The following RMND1 variants were observed in gnomAD, a reference collection of about 807,000 sequenced individuals.
RMND1 encodes the protein required for meiotic nuclear division protein 1 homolog.
Under a neutral mutation model 54.0 loss-of-function variants are expected in RMND1, and 41 were observed. The ratio of observed to expected loss-of-function variants is 0.76; its 90% CI spans 0.59 to 0.98. The LOEUF (loss-of-function observed/expected upper bound fraction) is 0.98, where lower values mean the gene tolerates loss of function less well. Ranked by LOEUF, RMND1 falls within the 50% of genes least tolerant of loss-of-function variation. RMND1 has a pLI of 0.00. For missense variants in RMND1, 457 were observed against 532.0 expected (o/e 0.86, Z 1.39); for synonymous variants, 183 against 181.7 (o/e 1.01, Z -0.06).
Position 151,405,130 on chromosome 6 carries a change from A to G in RMND1, c.*105T>C, listed in dbSNP as rs1779564698. The G allele has an allele frequency of 1.0e-6, 1 of 996,884 alleles. No homozygotes were observed. Among genetic ancestry groups the G allele is most frequent in the Non-Finnish European group, 1.6e-6 (1 of 640,578 alleles). 61.8% of individuals were successfully genotyped at this position (996,884 alleles called of 1,614,324 possible). A position where few individuals can be genotyped will look rare whatever the true frequency, so the allele number is the denominator to read the frequency against. On this transcript the variant is annotated 3_prime_UTR_variant, in exon 12 of 12. Transcript: ENST00000444024. ...CTCAAGCCACCCTTCTTGGCCTCCGAAAGTGCTGGGATTACAGGCATGAGG... is the reference window on the plus strand; with the variant it reads ...CTCAAGCCACCCTTCTTGGCCTCCGGAAGTGCTGGGATTACAGGCATGAGG...
rs202224517 is a variant in RMND1, at chr6:151,423,655, C to A, written c.831-24G>T. 3.5e-6 allele frequency: 5 copies of A among 1,445,438 alleles called. No homozygotes were observed. In the East Asian group the frequency reaches 1.1e-4, roughly 33 times the overall value. 89.5% of individuals were successfully genotyped at this position (1,445,438 alleles called of 1,614,324 possible). A position where few individuals can be genotyped will look rare whatever the true frequency, so the allele number is the denominator to read the frequency against. ...CCCTGTGAAAAGCAAAAAGATAATACCTTCTAAATCTTAAAAAGCACTTTA... is the reference window on the plus strand; with the variant it reads ...CCCTGTGAAAAGCAAAAAGATAATAACTTCTAAATCTTAAAAAGCACTTTA... On this transcript the variant is annotated intron_variant, in intron 6 of 11. Coordinates refer to ENST00000444024, the MANE Select transcript of RMND1 (RefSeq NM_017909.4).
intron 4 of RMND1, among the ~76,000 whole-genome samples, chr6:151,432,087 C>CA (rs1780464636): frequency 6.7e-6 from 1 of 149,738 alleles, no homozygotes; most frequent in South Asian, 2.1e-4. Context: ...AGGCACCCTC[C>CA]ACCATGTGCC....
intron 10 of RMND1, among the ~76,000 whole-genome samples, chr6:151,410,938 T>G (rs1779813230): frequency 6.6e-6 from 1 of 152,156 alleles, no homozygotes; most frequent in Admixed American, 6.6e-5. Context: ...TTCTAGTTCT[T>G]CCTGTAGGAG....
At chr6:151,442,639 C>T (rs906592592) in intron 2 of RMND1, among the ~76,000 whole-genome samples, 3 of 152,092 alleles carry the variant, frequency 2.0e-5, no homozygotes, top group Non-Finnish European at 4.4e-5. Context: ...AAGCGATCCT[C>T]CCACCTCAGC....
chr6:151,411,847 G>A (rs1250501370), intron 10 of RMND1: 1 of 152,172 alleles, frequency 6.6e-6, no homozygotes, highest in East Asian at 1.9e-4. Flanking sequence ...CTGGTAGTAT[G>A]AGGATCGTGT....
chr6:151,440,626 T>C (rs1780746098), intron 2 of RMND1, among the ~76,000 whole-genome samples: 1 of 152,236 alleles, frequency 6.6e-6, no homozygotes. Flanking sequence ...TTCTATCCAA[T>C]GTCACTCAGC....
At chr6:151,448,763 T>G (rs1207212516) in intron 1 of RMND1, among the ~76,000 whole-genome samples, 1 of 152,220 alleles carries the variant, frequency 6.6e-6, no homozygotes, top group Non-Finnish European at 1.5e-5. Flanking sequence ...ACGCGAAATC[T>G]AGCTGTGGCT....
chr6:151,409,868 C>T (rs958182639), intron 10 of RMND1, among the ~76,000 whole-genome samples: 6 of 152,136 alleles, frequency 3.9e-5, no homozygotes, highest in Admixed American at 6.5e-5. Context: ...GGGATACTGA[C>T]GTGAGAAAAT....
intron 10 of RMND1, 153 bp downstream of exon 10, chr6:151,417,126 A>G (rs1031523940): frequency 1.3e-6 from 1 of 762,138 alleles, no homozygotes; most frequent in African/African-American, 1.8e-5. Flanking sequence ...TTTGACACAA[A>G]AAATTGAAGT....
Position 151,422,560 on chromosome 6 carries a change from G to T in RMND1, c.983C>A (p.Ser328Tyr). The change falls in exon 8 of 12, where the codon TCT (serine) becomes TAT (tyrosine). Residue 328 changes from serine (S) to tyrosine (Y), a missense_variant. Ser to Tyr is a moderately radical substitution (Grantham distance 144). Transcript: ENST00000444024. ...WEASLDKFIE[S>Y]IQSIPEALKA... ...AATTACCTCAGGAATTGACTGAATAGATTCAATAAATTTATCCAGTGATGC... is the reference window on the plus strand; with the variant it reads ...AATTACCTCAGGAATTGACTGAATATATTCAATAAATTTATCCAGTGATGC... The T allele has an allele frequency of 6.5e-7, 1 of 1,533,206 alleles. No individual in the cohort carries two copies. The highest frequency in any genetic ancestry group is 8.9e-7 in the Non-Finnish European group (1 of 1,128,640). The allele number at this position is 1,533,206 out of a possible 1,614,324, so 95.0% of individuals were successfully genotyped here.
chr6:151,418,296 C>A (rs901137484), intron 9 of RMND1, among the ~76,000 whole-genome samples: 11 of 151,976 alleles, frequency 7.2e-5, no homozygotes, highest in Admixed American at 4.6e-4. Flanking sequence ...TGCCTGTAGT[C>A]CCAGCTACTT....
intron 1 of RMND1, among the ~76,000 whole-genome samples, chr6:151,450,360 G>A (rs1299320981): frequency 6.9e-6 from 1 of 145,660 alleles, no homozygotes; most frequent in Non-Finnish European, 1.5e-5. Flanking sequence ...AGGGAGGTGG[G>A]GGTCAGCCCC....
At chr6:151,429,955 G>C (rs1780406776) in intron 5 of RMND1, among the ~76,000 whole-genome samples, 183 bp downstream of exon 5, 2 of 152,086 alleles carry the variant, frequency 1.3e-5, no homozygotes, top group Non-Finnish European at 2.9e-5. Flanking sequence ...GGAAAAAGCA[G>C]GAAATCTTAA....
At chr6:151,450,248 C>T (rs968424710) in intron 1 of RMND1, among the ~76,000 whole-genome samples, 2 of 151,576 alleles carry the variant, frequency 1.3e-5, no homozygotes, top group Admixed American at 6.6e-5. Context: ...GTGGGGAGCA[C>T]CTCTGCCCCG....
At chr6:151,450,203 G>A (rs1266937083) in intron 1 of RMND1, among the ~76,000 whole-genome samples, 13 of 150,640 alleles carry the variant, frequency 8.6e-5, no homozygotes, top group African/African-American at 3.2e-4. Context: ...TAGGAAGTGA[G>A]GGGAGTCTCT....
intron 10 of RMND1, among the ~76,000 whole-genome samples, chr6:151,414,930 A>G (rs902198686): frequency 1.3e-5 from 2 of 152,170 alleles, no homozygotes; most frequent in Non-Finnish European, 2.9e-5. Flanking sequence ...CTAGAATCCT[A>G]TTTCTAGGAA....
chr6:151,406,613 G>A (rs1779630807), intron 10 of RMND1, among the ~76,000 whole-genome samples: 1 of 152,182 alleles, frequency 6.6e-6, no homozygotes, highest in Non-Finnish European at 1.5e-5. Flanking sequence ...GCCTCCCAAA[G>A]TGCTGGGATT....
intron 10 of RMND1, among the ~76,000 whole-genome samples, chr6:151,410,433 A>G (rs1302618517): frequency 6.6e-6 from 1 of 152,160 alleles, no homozygotes; most frequent in African/African-American, 2.4e-5. Flanking sequence ...TGTATTATGT[A>G]TAATGCCAGC....
intron 9 of RMND1, chr6:151,418,438 C>T (rs948887844): frequency 6.6e-6 from 1 of 151,832 alleles, no homozygotes; most frequent in African/African-American, 2.4e-5. Context: ...TTTAATATGT[C>T]CACACTTTTT....
Sources: gnomAD v4.1 joint callset for allele counts (sites outside exome capture counted in the v4.1 genomes callset) on GRCh38, gnomAD v4.1.1 for gene constraint, MANE v1.5 for transcripts, NCBI Gene and HGNC (gene_info 2026-07-23, HGNC 2026-07-21) for gene names.